The following SLC4A10 variants were observed in gnomAD, a reference collection of about 807,000 sequenced individuals.
The protein encoded by SLC4A10 is solute carrier family 4 member 10.
A neutral mutation model predicts 137.7 loss-of-function variants in SLC4A10; 42 were observed. That is an observed-to-expected ratio of 0.30 (90% CI 0.24 to 0.39). SLC4A10 has a LOEUF of 0.39. Ranked by LOEUF, SLC4A10 falls within the 10% of genes least tolerant of loss-of-function variation. The pLI is 1.00. For missense variants in SLC4A10, 925 were observed against 1,355.0 expected (o/e 0.68, Z 4.98); for synonymous variants, 474 against 464.1 (o/e 1.02, Z -0.27).
intron 10 of SLC4A10, among the ~76,000 whole-genome samples, chr2:161,892,556 TC>T (rs1388440402): frequency 3.3e-5 from 5 of 152,112 alleles, no homozygotes. Flanking sequence ...TAAAAAGCTT[TC>T]TAAAATGATC....
intron 4 of SLC4A10, among the ~76,000 whole-genome samples, chr2:161,841,034 AC>A (rs2059147775): frequency 6.6e-6 from 1 of 152,072 alleles, no homozygotes; most frequent in Non-Finnish European, 1.5e-5. Flanking sequence ...AGATAGCAGG[AC>A]GTGCTTAAAT....
At chr2:161,759,931 A>AAT (rs2050074907) in intron 1 of SLC4A10, among the ~76,000 whole-genome samples, 1 of 152,016 alleles carries the variant, frequency 6.6e-6, no homozygotes, top group Non-Finnish European at 1.5e-5. Flanking sequence ...GTAACAAAAA[A>AAT]ATACAGATAT....
chr2:161,714,795 T>G (rs1202939987), intron 1 of SLC4A10, among the ~76,000 whole-genome samples: 1 of 152,000 alleles, frequency 6.6e-6, no homozygotes, highest in Non-Finnish European at 1.5e-5. Context: ...TGTTTTCATC[T>G]GTGAAATGAG....
intron 1 of SLC4A10, among the ~76,000 whole-genome samples, chr2:161,633,339 C>A (rs965042546): frequency 6.6e-6 from 1 of 151,696 alleles, no homozygotes; most frequent in East Asian, 1.9e-4. Flanking sequence ...TTTTGTGCTG[C>A]TCTCACAGAA....
intron 3 of SLC4A10, among the ~76,000 whole-genome samples, chr2:161,819,501 C>CTTTTT (rs112848503): frequency 4.8e-5 from 7 of 144,480 alleles, no homozygotes; most frequent in African/African-American, 1.0e-4. Context: ...TAAAATTTCA[C>CTTTTT]TTTTTTTTTT....
At chr2:161,734,969 C>G (rs2047189742) in intron 1 of SLC4A10, among the ~76,000 whole-genome samples, 1 of 151,324 alleles carries the variant, frequency 6.6e-6, no homozygotes, top group African/African-American at 2.4e-5. Flanking sequence ...AGTTTCTCCT[C>G]TCTCTCTCTT....
At chr2:161,879,682 A>G (rs1420578762) in intron 9 of SLC4A10, among the ~76,000 whole-genome samples, 1 of 151,990 alleles carries the variant, frequency 6.6e-6, no homozygotes, top group Non-Finnish European at 1.5e-5. Context: ...CAAAAACAGC[A>G]AAGTTACTAA....
At chr2:161,726,906 C>G (rs891624750) in intron 1 of SLC4A10, among the ~76,000 whole-genome samples, 4 of 152,128 alleles carry the variant, frequency 2.6e-5, no homozygotes, top group African/African-American at 9.7e-5. Context: ...AAGACTCTGT[C>G]TCAAAAAGCA....
At chr2:161,899,100 T>C (rs1482918604) in intron 11 of SLC4A10, among the ~76,000 whole-genome samples, 1 of 152,112 alleles carries the variant, frequency 6.6e-6, no homozygotes, top group South Asian at 2.1e-4. Flanking sequence ...TTCATTACTA[T>C]TGATGAAATA....
chr2:161,740,997 C>T (rs182416062), intron 1 of SLC4A10, among the ~76,000 whole-genome samples: 106 of 152,230 alleles, frequency 7.0e-4, no homozygotes, highest in African/African-American at 2.2e-3. Flanking sequence ...AGCACCTAAA[C>T]GGCCAGGTAC....
intron 23 of SLC4A10, among the ~76,000 whole-genome samples, chr2:161,971,595 C>T (rs1309421076): frequency 6.6e-6 from 1 of 152,214 alleles, no homozygotes; most frequent in Non-Finnish European, 1.5e-5. Flanking sequence ...TCTCTTTCTT[C>T]TCTGATCTGA....
At chr2:161,917,820 T>C (rs138298819) in intron 15 of SLC4A10, among the ~76,000 whole-genome samples, 129 of 152,332 alleles carry the variant, frequency 8.5e-4, no homozygotes, top group Non-Finnish European at 1.5e-3. Flanking sequence ...ATTACTGCTT[T>C]CACAGTGCCC....
intron 2 of SLC4A10, among the ~76,000 whole-genome samples, chr2:161,789,748 G>A (rs2054012930): frequency 6.6e-6 from 1 of 152,104 alleles, no homozygotes; most frequent in Non-Finnish European, 1.5e-5. Context: ...AATCAATGTT[G>A]TCTTCACAGA....
At chr2:161,832,871 G>T (rs2058522243) in intron 3 of SLC4A10, among the ~76,000 whole-genome samples, 2 of 152,122 alleles carry the variant, frequency 1.3e-5, no homozygotes, top group Non-Finnish European at 2.9e-5. Flanking sequence ...CTCCCGAATA[G>T]CTGGGATTAC....
chr2:161,710,862 GAAA>G (rs894707790), intron 1 of SLC4A10: 5 of 267,262 alleles, frequency 1.9e-5, no homozygotes, highest in Non-Finnish European at 3.1e-5. Context: ...ATGCAGAAAA[GAAA>G]AAGTCATTTC....
chr2:161,890,295 C>T (rs1473229049), intron 10 of SLC4A10, among the ~76,000 whole-genome samples: 1 of 152,076 alleles, frequency 6.6e-6, no homozygotes, highest in Non-Finnish European at 1.5e-5. Context: ...CTGTAGATGT[C>T]TATTAGATCT....
intron 3 of SLC4A10, among the ~76,000 whole-genome samples, chr2:161,836,530 GAGAA>G (rs71009343): frequency 0.018 from 1,416 of 79,182 alleles, 32 homozygotes; most frequent in South Asian, 0.03. Context: ...GAGAGAGAGA[GAGAA>G]AGAAAGAAAG....
intron 4 of SLC4A10, among the ~76,000 whole-genome samples, chr2:161,845,839 T>C (rs1209823101): frequency 6.6e-6 from 1 of 152,122 alleles, no homozygotes; most frequent in African/African-American, 2.4e-5. Flanking sequence ...TAAAATAGTT[T>C]ATAGATTTAA....
intron 1 of SLC4A10, among the ~76,000 whole-genome samples, chr2:161,689,769 G>A (rs2041801840): frequency 6.6e-6 from 1 of 152,126 alleles, no homozygotes; most frequent in Non-Finnish European, 1.5e-5. Flanking sequence ...ACTTTAGTGG[G>A]TAAGACAACC....
Sources: gnomAD v4.1 joint callset for allele counts (sites outside exome capture counted in the v4.1 genomes callset) on GRCh38, gnomAD v4.1.1 for gene constraint, MANE v1.5 for transcripts, NCBI Gene and HGNC (gene_info 2026-07-23, HGNC 2026-07-21) for gene names.